The following FAT1 variants were observed in gnomAD, a reference collection of about 807,000 sequenced individuals.
FAT1 encodes the protein FAT atypical cadherin 1, also known as protocadherin Fat 1.
Under a neutral mutation model 329.8 loss-of-function variants are expected in FAT1, and 171 were observed. The ratio of observed to expected loss-of-function variants is 0.52; its 90% CI spans 0.46 to 0.59. The LOEUF (loss-of-function observed/expected upper bound fraction) is 0.59, where lower values mean the gene tolerates loss of function less well. Among genes scored for constraint, FAT1 ranks in the 20% least tolerant of loss-of-function variants. The probability of loss-of-function intolerance (pLI) is 0.00; values close to 1 mark genes in which losing one functional copy is unlikely to be tolerated. For missense variants in FAT1, 5,672 were observed against 5,774.4 expected (o/e 0.98, Z 0.57); for synonymous variants, 2,233 against 2,228.6 (o/e 1.00, Z -0.06).
At chr4:186,604,200 G>A (rs1017232138) in intron 18 of FAT1, among the ~76,000 whole-genome samples, 177 bp downstream of exon 18, 2 of 152,154 alleles carry the variant, frequency 1.3e-5, no homozygotes, top group African/African-American at 4.8e-5. Context: ...AATCAACAAT[G>A]AGCTCCTTCA....
In FAT1 at chr4:186,709,135, C is replaced by G. The variant is rs924342804; in HGVS notation, c.693G>C (p.Leu231Phe). 1.2e-6 allele frequency: 2 copies of G among 1,614,008 alleles called. No individual in the cohort carries two copies. The highest frequency in any genetic ancestry group is 2.2e-5 in the East Asian group (1 of 44,882). ...EILAADRGMK[L>F]YGSSGISSMA... ...TGCTGCTGATGCCACTGCTCCCATA[C>G]AACTTCATGCCACGGTCCGCAGCGA... The change falls in exon 2 of 27, where the codon TTG becomes TTC. Residue 231 changes from leucine (L) to phenylalanine (F), a missense_variant. By Grantham distance (22) the Leu-to-Phe change is conservative. Around this residue, in one of 2 missense-constraint regions of FAT1, gnomAD observed 3,966 missense variants for 3,915.2 expected, o/e 1.01. Transcript: ENST00000441802.
In FAT1 at chr4:186,620,656, A is replaced by T. The variant is rs761361830; in HGVS notation, c.5930T>A (p.Leu1977Gln). 2 of 1,613,906 alleles carry T rather than the reference A, an allele frequency of 1.2e-6. No homozygotes were observed. Among genetic ancestry groups the T allele is most frequent in the African/African-American group, 2.7e-5 (2 of 74,926 alleles). ...INVKESKESH[L>Q]KFTQDVYSAV... ...AGAGTAGACATCCTGGGTAAACTTT[A>T]GGTGACTTTCTTTGCTTTCTTTCAC... Residue 1977 changes from leucine to glutamine, a missense_variant, in exon 10 of 27, where the codon CTA becomes CAA. Coordinates refer to ENST00000441802, the MANE Select transcript of FAT1 (RefSeq NM_005245.4).
chr4:186,629,300 T>C (rs1220403061), intron 7 of FAT1, among the ~76,000 whole-genome samples: 2 of 152,228 alleles, frequency 1.3e-5, no homozygotes, highest in African/African-American at 4.8e-5. Flanking sequence ...AATCACTGTA[T>C]TTCTGTGATC....
chr4:186,614,861 T>C, intron 11 of FAT1, among the ~76,000 whole-genome samples: 1 of 100,734 alleles, frequency 9.9e-6, no homozygotes, highest in East Asian at 2.2e-4. Flanking sequence ...GGGACTCTGA[T>C]GAAGGCTGAG....
Position 186,706,530 on chromosome 4 carries a change from G to A in FAT1, c.3265+33C>T, listed in dbSNP as rs770320311. On this transcript the variant is annotated intron_variant, in intron 2 of 26. Transcript: ENST00000441802. ...TAAAAAAAAAAAAAAAATGGAAAAG[G>A]GCATCAAATGAGAGCAATAAAAACA... The A allele has an allele frequency of 9.1e-6, 14 of 1,539,084 alleles. No homozygotes were observed. The South Asian group carries it at 1.8e-4, about 20-fold the overall frequency.
chr4:186,708,467 A>G lies in FAT1; in HGVS notation c.1361T>C (p.Leu454Ser), dbSNP rs2126696735. Reference protein sequence around the residue: ...KASTKVLVKVLGANSNPPEFT... With the variant: ...KASTKVLVKVSGANSNPPEFT... ...TTCAGGGGGATTGCTATTTGCACCT[A>G]AGACTTTCACCAAGACCTTGGTGGA... The change falls in exon 2 of 27, where the codon TTA becomes TCA. Residue 454 changes from leucine (L) to serine (S), a missense_variant. Transcript: ENST00000441802. The G allele has an allele frequency of 6.2e-7, 1 of 1,613,970 alleles. No homozygotes were observed. Among genetic ancestry groups the G allele is most frequent in the Non-Finnish European group, 8.5e-7 (1 of 1,179,888 alleles).
At chr4:186,671,278 C>A (rs1212261464) in intron 2 of FAT1, among the ~76,000 whole-genome samples, 1 of 151,994 alleles carries the variant, frequency 6.6e-6, no homozygotes, top group Admixed American at 6.6e-5. Flanking sequence ...AAATAACAAT[C>A]TAATTCAAAA....
intron 2 of FAT1, among the ~76,000 whole-genome samples, chr4:186,698,586 G>A (rs1483295032): frequency 1.3e-5 from 2 of 152,204 alleles, no homozygotes; most frequent in South Asian, 2.1e-4. Context: ...GAGATAATAC[G>A]AGCTGACCAC....
intron 2 of FAT1, among the ~76,000 whole-genome samples, chr4:186,678,571 CATTA>C (rs1364029736): frequency 4.1e-5 from 6 of 147,944 alleles, no homozygotes; most frequent in African/African-American, 1.5e-4. Context: ...CATATATTGT[CATTA>C]ATATCAATTA....
chr4:186,599,560 G>C (rs375633822), intron 22 of FAT1, among the ~76,000 whole-genome samples: 8 of 152,294 alleles, frequency 5.3e-5, no homozygotes, highest in African/African-American at 1.9e-4. Context: ...AAATAACAAA[G>C]AAGGGCTAAG....
intron 7 of FAT1, among the ~76,000 whole-genome samples, chr4:186,632,245 T>C (rs1420787982): frequency 6.6e-6 from 1 of 152,098 alleles, no homozygotes; most frequent in African/African-American, 2.4e-5. Context: ...GGGAAAGAGG[T>C]GCACTGTTAA....
At chr4:186,601,815 C>G (rs1341275945) in intron 20 of FAT1, 1 of 160,394 alleles carries the variant, frequency 6.2e-6, no homozygotes, top group East Asian at 1.8e-4. Flanking sequence ...TGTCATCAAT[C>G]TCCACAGATG....
rs200683651 is a variant in FAT1, at chr4:186,610,685, A to ATTTATATAAT, written c.9854-671_9854-670insATTATATAAA. On this transcript the variant is annotated intron_variant, in intron 14 of 26. Coordinates refer to ENST00000441802, the MANE Select transcript of FAT1 (RefSeq NM_005245.4). ...AATTATATAATTTATATAAATATAA[A>ATTTATATAAT]TTATATAATTTATATAAATATAAAT... Among the ~76,000 whole-genome samples, 74 of 75,642 alleles carry ATTTATATAAT rather than the reference A, an allele frequency of 9.8e-4. 1 individual carries two copies. The highest frequency in any genetic ancestry group is 3.5e-3 in the African/African-American group (66 of 18,826). The allele number at this position is 75,642 out of a possible 152,430, so 49.6% of individuals were successfully genotyped here.
At chr4:186,611,877 G>T in intron 13 of FAT1, 102 bp from the exon 14 acceptor site, 1 of 866,602 alleles carries the variant, frequency 1.2e-6, no homozygotes, top group East Asian at 2.7e-5. Context: ...AGGCTGGAGT[G>T]CAGTGGCGTG....
chr4:186,655,122 T>A (rs1158438296), intron 3 of FAT1, among the ~76,000 whole-genome samples: 1 of 152,218 alleles, frequency 6.6e-6, no homozygotes, highest in Non-Finnish European at 1.5e-5. Context: ...GAAATACAGG[T>A]AGCAGCTGTC....
At position 186,707,290 on chromosome 4, in the gene FAT1, G is replaced by T. The variant is rs2126687291; in HGVS notation, c.2538C>A (p.Ala846=). Residue 846 remains alanine, a synonymous_variant, in exon 2 of 27, where the codon GCC becomes GCA. Coordinates refer to ENST00000441802, the MANE Select transcript of FAT1 (RefSeq NM_005245.4). The part of the protein sequence containing the change: ...EVHSEIIQVE[A]TDKDLGPNGH... ...CGTTGGGCCCCAGGTCTTTATCTGT[G>T]GCTTCAACCTGGATGATTTCACTAT... 4 of 1,613,890 alleles carry T rather than the reference G, an allele frequency of 2.5e-6. No individual in the cohort carries two copies. The highest frequency in any genetic ancestry group is 1.7e-5 in the Admixed American group (1 of 60,016).
intron 1 of FAT1, 129 bp from the exon 2 acceptor site, chr4:186,709,974 G>C: frequency 1.2e-6 from 1 of 834,034 alleles, no homozygotes; most frequent in Non-Finnish European, 1.8e-6. Flanking sequence ...GCAACGGTTT[G>C]GGATGTTTTT....
intron 2 of FAT1, among the ~76,000 whole-genome samples, chr4:186,692,262 T>C (rs1378232071): frequency 1.3e-5 from 2 of 152,250 alleles, no homozygotes; most frequent in Non-Finnish European, 1.5e-5. Flanking sequence ...TAATATAAGC[T>C]AAAATTAGCA....
chr4:186,592,881 C>G (rs956787168), intron 26 of FAT1: 7 of 400,936 alleles, frequency 1.7e-5, no homozygotes, highest in Non-Finnish European at 3.0e-5. Flanking sequence ...TTAATACAAC[C>G]ACATAATGAT....
Sources: gnomAD v4.1 joint callset for allele counts (sites outside exome capture counted in the v4.1 genomes callset) on GRCh38, gnomAD v4.1.1 for gene constraint, gnomAD v4.1.1 regional missense constraint, MANE v1.5 for transcripts, NCBI Gene and HGNC (gene_info 2026-07-23, HGNC 2026-07-21) for gene names.